Variants in RBFOX1 observed in about 807,000 individuals in gnomAD.
The protein encoded by RBFOX1 is RNA binding fox-1 homolog 1, also known as RNA binding protein fox-1 homolog 1.
A neutral mutation model predicts 57.7 loss-of-function variants in RBFOX1; 8 were observed. The observed-to-expected ratio is 0.14, with a 90% CI of 0.08 to 0.25. The LOEUF is 0.25. RBFOX1 is among the 10% of genes least tolerant of loss of function. The pLI, the probability that RBFOX1 is intolerant of heterozygous loss-of-function variation, is 1.00. For missense variants in RBFOX1, 611 were observed against 548.5 expected, an observed-to-expected ratio of 1.11 and a Z score of -1.14; for synonymous variants, 326 against 222.4, an observed-to-expected ratio of 1.47 and a Z score of -4.15.
intron 15 of RBFOX1, chr16:7,709,850 C>G: frequency 2.5e-6 from 3 of 1,213,550 alleles, no homozygotes; most frequent in Non-Finnish European, 2.1e-6. Context: ...TACAGTAAGA[C>G]GTGCCCATCA....
chr16:5,914,999 AC>A (rs1199672812), intron 4 of RBFOX1, among the ~76,000 whole-genome samples: 1 of 152,188 alleles, frequency 6.6e-6, no homozygotes, highest in Admixed American at 6.5e-5. Context: ...ATGTGCCATC[AC>A]TTTTGCTCTA....
chr16:6,544,095 G>C (rs2096861574), intron 2 of RBFOX1, among the ~76,000 whole-genome samples: 1 of 152,210 alleles, frequency 6.6e-6, no homozygotes, highest in East Asian at 1.9e-4. Context: ...AGCTGTTTGA[G>C]ATGGGAGAGT....
intron 3 of RBFOX1, among the ~76,000 whole-genome samples, chr16:6,861,254 C>T (rs1386296172): frequency 6.6e-6 from 1 of 152,140 alleles, no homozygotes; most frequent in African/African-American, 2.4e-5. Flanking sequence ...TTGAGCACCA[C>T]ACTCTAACCA....
chr16:7,031,857 C>G (rs2042885523), intron 3 of RBFOX1, among the ~76,000 whole-genome samples: 2 of 152,156 alleles, frequency 1.3e-5, no homozygotes, highest in Admixed American at 6.5e-5. Flanking sequence ...GCTGGACACA[C>G]AGGGAGCTCC....
chr16:7,254,496 CTCTT>C (rs2094600819), intron 4 of RBFOX1, among the ~76,000 whole-genome samples: 1 of 106,222 alleles, frequency 9.4e-6, no homozygotes, highest in African/African-American at 3.6e-5. Context: ...CTCTCTCTCT[CTCTT>C]TTTTTTTATC....
chr16:5,915,333 C>G (rs2058682253), intron 4 of RBFOX1, among the ~76,000 whole-genome samples: 1 of 152,166 alleles, frequency 6.6e-6, no homozygotes, highest in Non-Finnish European at 1.5e-5. Flanking sequence ...GCTATTGCAT[C>G]CTTTCCATAT....
At chr16:5,282,127 A>G (rs1267798741) in intron 1 of RBFOX1, among the ~76,000 whole-genome samples, 1 of 152,022 alleles carries the variant, frequency 6.6e-6, no homozygotes, top group Non-Finnish European at 1.5e-5. Context: ...GTCTCATGAG[A>G]TCTGAGAGGT....
At position 6,806,895 on chromosome 16, in the gene RBFOX1, A is replaced by G. The variant is rs1409200250; in HGVS notation, c.-16+152245A>G. ...GTTACCCAGGCTGGAGTGCAATAGC[A>G]TGATCTCAGCTCACTGCAAACTCCA... On this transcript the variant is annotated intron_variant, in intron 3 of 15. Transcript: ENST00000550418. 2.1e-4 allele frequency among the ~76,000 whole-genome samples: 29 copies of G among 138,704 alleles called. No individual in the cohort carries two copies. In the South Asian group the frequency reaches 5.1e-3, roughly 24 times the overall value. 91.0% of individuals were successfully genotyped at this position (138,704 alleles called of 152,430 possible).
intron 12 of RBFOX1, among the ~76,000 whole-genome samples, chr16:7,654,389 C>T (rs758449320): frequency 1.3e-5 from 2 of 152,148 alleles, no homozygotes; most frequent in African/African-American, 4.8e-5. Flanking sequence ...GATATCTTGG[C>T]TTCAAGGGTC....
At chr16:7,442,651 T>C (rs1227894007) in intron 4 of RBFOX1, among the ~76,000 whole-genome samples, 1 of 152,034 alleles carries the variant, frequency 6.6e-6, no homozygotes, top group Non-Finnish European at 1.5e-5. Flanking sequence ...TGCACTGGTT[T>C]TATGAGAAAG....
intron 3 of RBFOX1, among the ~76,000 whole-genome samples, chr16:6,718,378 C>G (rs979412112): frequency 6.6e-6 from 1 of 152,090 alleles, no homozygotes; most frequent in Non-Finnish European, 1.5e-5. Flanking sequence ...GGAAGTAACT[C>G]TAGCTGAAAA....
At chr16:6,294,172 ACC>A (rs2077803171) in intron 1 of RBFOX1, among the ~76,000 whole-genome samples, 1 of 152,064 alleles carries the variant, frequency 6.6e-6, no homozygotes, top group South Asian at 2.1e-4. Context: ...ACAGAGTGAG[ACC>A]CTGTCTCTAA....
intron 2 of RBFOX1, among the ~76,000 whole-genome samples, chr16:5,571,426 G>A (rs1311427063): frequency 2.0e-5 from 3 of 151,658 alleles, no homozygotes; most frequent in South Asian, 2.1e-4. Flanking sequence ...TGTTGGCCAC[G>A]CTGGTCTCAA....
chr16:6,478,037 T>C (rs1597815396), intron 2 of RBFOX1, among the ~76,000 whole-genome samples: 3 of 152,118 alleles, frequency 2.0e-5, no homozygotes, highest in African/African-American at 7.2e-5. Context: ...GGCTTTGGCT[T>C]AAGAGAATGT....
At chr16:6,478,429 A>ATATATTTTTTT (rs1159954387) in intron 2 of RBFOX1, among the ~76,000 whole-genome samples, 3 of 24,604 alleles carry the variant, frequency 1.2e-4, no homozygotes, top group Non-Finnish European at 2.3e-4. Context: ...ATATATATAT[A>ATATATTTTTTT]TTTTTTTTTT....
chr16:6,458,011 G>A (rs201197011), intron 2 of RBFOX1, among the ~76,000 whole-genome samples: 16 of 150,116 alleles, frequency 1.1e-4, no homozygotes, highest in African/African-American at 1.2e-4. Context: ...TCTCAAAACT[G>A]AAAAAAAAAA....
At position 7,304,124 on chromosome 16, in the gene RBFOX1, C is replaced by A. The variant is rs926089751; in HGVS notation, c.28-214023C>A. ...AGAGGAACGCCGGGATCTAGCACAT[C>A]CCCAGGCGGGGAGAGCCAGGGAGGA... On this transcript the variant is annotated intron_variant, in intron 4 of 15. Transcript: ENST00000550418. 2.8e-5 allele frequency: 22 copies of A among 799,894 alleles called. No homozygotes were observed. The African/African-American group carries it at 3.6e-4, about 13-fold the overall frequency. 49.5% of individuals were successfully genotyped at this position (799,894 alleles called of 1,614,324 possible).
intron 3 of RBFOX1, among the ~76,000 whole-genome samples, chr16:5,741,877 G>A (rs547475420): frequency 1.2e-4 from 18 of 152,246 alleles, no homozygotes; most frequent in East Asian, 3.9e-4. Context: ...AATACCTGCC[G>A]TATTATGAAG....
intron 1 of RBFOX1, among the ~76,000 whole-genome samples, chr16:6,152,667 A>G (rs1430206166): frequency 6.7e-6 from 1 of 148,480 alleles, no homozygotes; most frequent in Non-Finnish European, 1.5e-5. Flanking sequence ...AATGTATGCT[A>G]TCTATGGCTT....
Sources: gnomAD v4.1 joint callset for allele counts (sites outside exome capture counted in the v4.1 genomes callset) on GRCh38, gnomAD v4.1.1 for gene constraint, MANE v1.5 for transcripts, NCBI Gene and HGNC (gene_info 2026-07-23, HGNC 2026-07-21) for gene names.